Variants in NFATC2 observed in about 807,000 individuals in gnomAD.
The protein encoded by NFATC2 is nuclear factor of activated T cells 2.
NFATC2 carries 22 observed loss-of-function variants against 87.3 expected under a neutral mutation model. That is an observed-to-expected ratio of 0.25 (90% confidence interval 0.18 to 0.36). The LOEUF is 0.36. NFATC2 is among the 10% of genes least tolerant of loss of function. The probability of loss-of-function intolerance (pLI) is 1.00; values close to 1 mark genes in which losing one functional copy is unlikely to be tolerated. For missense variants in NFATC2, 1,149 were observed against 1,259.1 expected (o/e 0.91, Z 1.32); for synonymous variants, 565 against 542.2 (o/e 1.04, Z -0.58).
At chr20:51,506,063 A>T (rs912124202) in intron 3 of NFATC2, among the ~76,000 whole-genome samples, 5 of 152,214 alleles carry the variant, frequency 3.3e-5, no homozygotes, top group Non-Finnish European at 5.9e-5. Flanking sequence ...CATTCGTCTC[A>T]GCCTCCTGAA....
intron 5 of NFATC2, among the ~76,000 whole-genome samples, chr20:51,471,065 C>A (rs1309534102): frequency 6.6e-6 from 1 of 152,142 alleles, no homozygotes; most frequent in African/African-American, 2.4e-5. Context: ...GTGAATCAGG[C>A]AAATGCCTTT....
At chr20:51,550,306 GC>G (rs2146828887) in intron 1 of NFATC2, among the ~76,000 whole-genome samples, 1 of 152,216 alleles carries the variant, frequency 6.6e-6, no homozygotes, top group South Asian at 2.1e-4. Flanking sequence ...ATAATAATAG[GC>G]CAAGCACGGT....
At chr20:51,439,745 C>T (rs1445900352) in intron 6 of NFATC2, among the ~76,000 whole-genome samples, 1 of 152,240 alleles carries the variant, frequency 6.6e-6, no homozygotes, top group Non-Finnish European at 1.5e-5. Flanking sequence ...TGCCATTTTA[C>T]TCCCACGTAC....
intron 1 of NFATC2, among the ~76,000 whole-genome samples, chr20:51,539,339 G>A (rs1600989661): frequency 6.6e-6 from 1 of 152,282 alleles, no homozygotes; most frequent in Admixed American, 6.5e-5. Context: ...AAAAGATTAA[G>A]GCTAGTGTTC....
At chr20:51,436,123 A>G (rs890751611) in intron 6 of NFATC2, among the ~76,000 whole-genome samples, 1 of 152,172 alleles carries the variant, frequency 6.6e-6, no homozygotes, top group Non-Finnish European at 1.5e-5. Context: ...GACAGGGACC[A>G]GGGATCTACC....
intron 3 of NFATC2, among the ~76,000 whole-genome samples, chr20:51,481,264 T>C (rs374907048): frequency 2.0e-5 from 3 of 152,264 alleles, no homozygotes; most frequent in African/African-American, 7.2e-5. Context: ...TGTTTTGAGA[T>C]GACATGATCT....
chr20:51,555,733 T>TGCA (rs1401428358), intron 1 of NFATC2, among the ~76,000 whole-genome samples: 1 of 152,172 alleles, frequency 6.6e-6, no homozygotes, highest in Admixed American at 6.5e-5. Context: ...TCAGGGCCTT[T>TGCA]GCACACATCG....
At chr20:51,487,099 G>A (rs117912851) in intron 3 of NFATC2, among the ~76,000 whole-genome samples, 2,486 of 152,216 alleles carry the variant, frequency 0.016, 66 homozygotes, top group Non-Finnish European at 0.017. Flanking sequence ...CATTTCTCCC[G>A]GAGTTTCTCA....
chr20:51,432,660 TG>T lies in NFATC2; in HGVS notation c.2128del (p.Gln710SerfsTer49). 1 of 1,559,970 alleles carries T rather than the reference TG, an allele frequency of 6.4e-7. No individual in the cohort carries two copies. The part of the protein sequence containing the change: ...GGLGSQPYYP[Q>X]HPMVAESPSC... Reference sequence around the variant, plus strand: ...GGGGGACTCGGCCACCATCGGGTGCTGGGGGTAGTAAGGCTGGCTCCCCAGG... The same window carrying T: ...GGGGGACTCGGCCACCATCGGGTGCTGGGGTAGTAAGGCTGGCTCCCCAGG... On this transcript the variant is annotated frameshift_variant, in exon 9 of 11. Transcript: ENST00000371564. LOFTEE classifies it high-confidence loss of function. This position sits in a 1 kb window ranked among gnomAD's most constrained non-coding sequence, Gnocchi z 4.6.
At chr20:51,499,187 C>G (rs2076039671) in intron 3 of NFATC2, among the ~76,000 whole-genome samples, 1 of 152,146 alleles carries the variant, frequency 6.6e-6, no homozygotes, top group Non-Finnish European at 1.5e-5. Flanking sequence ...ACACTCTGAA[C>G]AGATCCTCTG....
rs775277720 is a variant in NFATC2, at chr20:51,475,584, G to A, written c.1409C>T (p.Pro470Leu). The A allele has an allele frequency of 1.9e-6, 3 of 1,613,988 alleles. No individual in the cohort carries two copies. Among genetic ancestry groups the A allele is most frequent in the South Asian group, 2.2e-5 (2 of 91,074 alleles). Reference protein sequence around the residue: ...IGTADERILKPHAFYQVHRIT... With the variant: ...IGTADERILKLHAFYQVHRIT... ...TCGGTGCACCTGGTAGAAGGCGTGC[G>A]GCTTAAGGATCCGCTCATCAGCTGT... is the stretch of plus-strand genomic sequence containing the variant. Residue 470 changes from proline (P) to leucine (L), a missense_variant, in exon 4 of 11, where the codon CCG becomes CTG. By Grantham distance (98) the Pro-to-Leu change is moderately conservative. Coordinates refer to ENST00000371564, the MANE Select transcript of NFATC2 (RefSeq NM_012340.5).
At chr20:51,398,860 G>A (rs950054257) in intron 9 of NFATC2, 130 bp from the exon 10 acceptor site, 41 of 665,794 alleles carry the variant, frequency 6.2e-5, no homozygotes, top group Non-Finnish European at 1.0e-4. Flanking sequence ...TCTAGTTTAA[G>A]CCAGAATTCT....
intron 5 of NFATC2, among the ~76,000 whole-genome samples, chr20:51,468,328 T>C (rs1042848688): frequency 1.3e-5 from 2 of 151,910 alleles, no homozygotes; most frequent in Non-Finnish European, 2.9e-5. Context: ...TAAAAATATA[T>C]ATATATGTCA....
intron 5 of NFATC2, among the ~76,000 whole-genome samples, chr20:51,466,256 T>C (rs1285598704): frequency 6.6e-6 from 1 of 152,166 alleles, no homozygotes; most frequent in Non-Finnish European, 1.5e-5. Flanking sequence ...TTTCGCCATG[T>C]TGGCCAGGCT....
intron 3 of NFATC2, among the ~76,000 whole-genome samples, chr20:51,513,233 T>A: frequency 6.6e-6 from 1 of 152,114 alleles, no homozygotes. Flanking sequence ...ATCCTAACAC[T>A]TTGGGAGGAT....
intron 2 of NFATC2, among the ~76,000 whole-genome samples, chr20:51,518,103 T>C (rs1348819561): frequency 6.6e-6 from 1 of 152,188 alleles, no homozygotes; most frequent in African/African-American, 2.4e-5. Flanking sequence ...CCTCTTTGCT[T>C]TCTCTTCCAC....
Position 51,551,899 on chromosome 20 carries a change from T to C in NFATC2, c.70+10661A>G, listed in dbSNP as rs377265740. Among the ~76,000 whole-genome samples, 725 of 151,442 alleles carry C rather than the reference T, an allele frequency of 4.8e-3. 3 individuals are homozygous for C. Among genetic ancestry groups the C allele is most frequent in the African/African-American group, 0.016 (644 of 41,238 alleles). On this transcript the variant is annotated intron_variant, in intron 1 of 10. Transcript: ENST00000414705. ...AAAGTTAGCCGGGTGTGGTGGCGGG[T>C]GCCTGTAGTCCCAGCTACTCGGGAG... is the stretch of plus-strand genomic sequence containing the variant.
At chr20:51,423,010 G>T (rs1418954274) in intron 9 of NFATC2, among the ~76,000 whole-genome samples, 2 of 151,354 alleles carry the variant, frequency 1.3e-5, no homozygotes, top group Admixed American at 6.8e-5. Flanking sequence ...TATTCTGGCT[G>T]GGCACAGTGG....
chr20:51,496,829 A>C (rs2075996558), intron 3 of NFATC2, among the ~76,000 whole-genome samples: 1 of 152,166 alleles, frequency 6.6e-6, no homozygotes, highest in South Asian at 2.1e-4. Flanking sequence ...TGTTTCTCCC[A>C]GCAGACTGGG....
Sources: gnomAD v4.1 joint callset for allele counts (sites outside exome capture counted in the v4.1 genomes callset) on GRCh38, gnomAD v4.1.1 for gene constraint, Gnocchi (gnomAD v3.1) non-coding constraint, MANE v1.5 for transcripts, NCBI Gene and HGNC (gene_info 2026-07-23, HGNC 2026-07-21) for gene names.